Variants in HAPLN1 observed in about 807,000 individuals in gnomAD.
HAPLN1 encodes the protein hyaluronan and proteoglycan link protein 1.
In HAPLN1, 13 loss-of-function variants were observed where a neutral mutation model predicts 36.5. The ratio of observed to expected loss-of-function variants is 0.36; its 90% CI spans 0.23 to 0.57. The LOEUF (loss-of-function observed/expected upper bound fraction) is 0.57. Ranked by LOEUF, HAPLN1 falls within the 20% of genes least tolerant of loss-of-function variation. HAPLN1 has a pLI of 0.83. For missense variants in HAPLN1, 407 were observed against 439.7 expected (o/e 0.93, Z 0.66); for synonymous variants, 202 against 169.8 (o/e 1.19, Z -1.48).
intron 3 of HAPLN1, among the ~76,000 whole-genome samples, chr5:83,649,319 T>C (rs1749977580): frequency 1.3e-5 from 2 of 152,204 alleles, no homozygotes; most frequent in Admixed American, 6.5e-5. Context: ...GTGGTATCTG[T>C]TGTTCACATT....
At chr5:83,661,170 T>C (rs1276817929) in intron 2 of HAPLN1, among the ~76,000 whole-genome samples, 1 of 151,882 alleles carries the variant, frequency 6.6e-6, no homozygotes, top group African/African-American at 2.4e-5. Flanking sequence ...AACATCACTA[T>C]CTTTCCACCT....
In HAPLN1 at chr5:83,709,369, A is replaced by G. The variant is rs368961736; in HGVS notation, c.-27+11420T>C. On this transcript the variant is annotated intron_variant, in intron 1 of 4. Transcript: ENST00000274341. ...TAATCACATAAAGCCTATGTCTGAAAAGCCTAATATTTACATCTCCTATTG... is the reference window on the plus strand; with the variant it reads ...TAATCACATAAAGCCTATGTCTGAAGAGCCTAATATTTACATCTCCTATTG... Among the ~76,000 whole-genome samples, 10 of 152,324 alleles carry G rather than the reference A, an allele frequency of 6.6e-5. No homozygotes were observed. In the East Asian group the frequency reaches 1.3e-3, roughly 21 times the overall value.
At chr5:83,649,366 C>T (rs753774059) in intron 3 of HAPLN1, among the ~76,000 whole-genome samples, 10 of 152,052 alleles carry the variant, frequency 6.6e-5, no homozygotes, top group Non-Finnish European at 1.0e-4. Flanking sequence ...ATCTATGATG[C>T]CCTCTCTCCT....
rs565624983 is a variant in HAPLN1, at chr5:83,673,139, T to G, written c.100+285A>C. Among the ~76,000 whole-genome samples the G allele has an allele frequency of 1.2e-4, 19 of 152,304 alleles. No individual in the cohort carries two copies. The South Asian group carries it at 3.9e-3, about 32-fold the overall frequency. ...TTGCATTTAAATGAACTTTATGGCC[T>G]CCATTTTACTTGAAGATAGCAACTG... On this transcript the variant is annotated intron_variant, in intron 2 of 4. Transcript: ENST00000274341.
chr5:83,676,152 A>C (rs1750854810), intron 1 of HAPLN1, among the ~76,000 whole-genome samples: 1 of 144,820 alleles, frequency 6.9e-6, no homozygotes, highest in Admixed American at 6.7e-5. Context: ...GTGTGCACAC[A>C]TACACAGAGA....
At chr5:83,642,079 C>T (rs1749719357) in intron 4 of HAPLN1, among the ~76,000 whole-genome samples, 1 of 152,236 alleles carries the variant, frequency 6.6e-6, no homozygotes, top group South Asian at 2.1e-4. Context: ...TAAAAGAGCC[C>T]TTCTGTGGCA....
intron 4 of HAPLN1, 138 bp downstream of exon 4, chr5:83,644,225 T>C (rs956692724): frequency 4.4e-6 from 3 of 676,490 alleles, no homozygotes; most frequent in Non-Finnish European, 6.4e-6. Context: ...ACTTTTTATA[T>C]CTTTTTAAAC....
intron 1 of HAPLN1, among the ~76,000 whole-genome samples, chr5:83,709,193 A>G (rs906068552): frequency 1.3e-5 from 2 of 152,208 alleles, no homozygotes; most frequent in African/African-American, 2.4e-5. Flanking sequence ...CTAAACTCAC[A>G]GAGATATCTG....
intron 3 of HAPLN1, among the ~76,000 whole-genome samples, chr5:83,649,029 A>G (rs1749968928): frequency 6.6e-6 from 1 of 152,294 alleles, no homozygotes. Context: ...ACTTTGAAAT[A>G]TCAATCCTCA....
At chr5:83,647,952 G>C (rs969261307) in intron 3 of HAPLN1, among the ~76,000 whole-genome samples, 1 of 152,014 alleles carries the variant, frequency 6.6e-6, no homozygotes, top group African/African-American at 2.4e-5. Context: ...CTATAATTTT[G>C]TATATTTAGC....
intron 3 of HAPLN1, among the ~76,000 whole-genome samples, chr5:83,648,976 C>T (rs1028080364): frequency 6.6e-6 from 1 of 152,054 alleles, no homozygotes; most frequent in Admixed American, 6.6e-5. Flanking sequence ...ATTTTTATGG[C>T]TTTTATTTTA....
intron 1 of HAPLN1, among the ~76,000 whole-genome samples, chr5:83,687,285 A>G (rs1751152894): frequency 6.6e-6 from 1 of 152,220 alleles, no homozygotes; most frequent in Non-Finnish European, 1.5e-5. Context: ...ATGGAGGAGA[A>G]TACAGTAGTC....
At chr5:83,706,119 C>A (rs10058187) in intron 1 of HAPLN1, among the ~76,000 whole-genome samples, 55,336 of 137,022 alleles carry the variant, frequency 0.4, 11,104 homozygotes, top group Non-Finnish European at 0.43. Context: ...AAAAAAAAAA[C>A]AAAAGCCCAG....
chr5:83,639,333 G>A lies in HAPLN1; in HGVS notation c.*2163C>T, dbSNP rs1749613552. On this transcript the variant is annotated 3_prime_UTR_variant, in exon 5 of 5. Coordinates refer to ENST00000274341, the MANE Select transcript of HAPLN1 (RefSeq NM_001884.4). ...GTGTAAGTGGTATAGATTTTAATCA[G>A]CTAACAGTCACTCCAGAGATTTTGA... is the stretch of plus-strand genomic sequence containing the variant. 1 of 152,000 alleles carries A rather than the reference G, an allele frequency of 6.6e-6. No individual in the cohort carries two copies. Among genetic ancestry groups the A allele is most frequent in the Non-Finnish European group, 1.5e-5 (1 of 67,900 alleles). The allele number at this position is 152,000 out of a possible 1,614,324, so 9.4% of individuals were successfully genotyped here.
At chr5:83,654,845 T>A (rs1750169422) in intron 2 of HAPLN1, among the ~76,000 whole-genome samples, 1 of 152,202 alleles carries the variant, frequency 6.6e-6, no homozygotes, top group Admixed American at 6.5e-5. Context: ...TCTGTAGCCT[T>A]GGGCAAGTTG....
rs556905126 is a variant in HAPLN1 at position 83,673,937 on chromosome 5, T to C, written c.-26-388A>G. ...AAAACAGCAATGTGTTATGTCTGTA[T>C]ATGAGTATCACTTGGTCTAATTAGA... On this transcript the variant is annotated intron_variant, in intron 1 of 4. Transcript: ENST00000274341. 7.9e-5 allele frequency among the ~76,000 whole-genome samples: 12 copies of C among 152,354 alleles called. No individual in the cohort carries two copies. In the South Asian group the frequency reaches 2.5e-3, roughly 32 times the overall value.
rs3836881 is a variant in HAPLN1, at chr5:83,672,045, AT to A, written c.100+1378del. On this transcript the variant is annotated intron_variant, in intron 2 of 4. Coordinates refer to ENST00000274341, the MANE Select transcript of HAPLN1 (RefSeq NM_001884.4). The stretch of plus-strand genomic sequence containing the variant: ...GGAGTAATTTTTCAAATGTTAGTAC[AT>A]TTTTAAAACACTATTCTCATACTCT... Among the ~76,000 whole-genome samples, 228 of 152,316 alleles carry A rather than the reference AT, an allele frequency of 1.5e-3. 4 individuals carry two copies. The East Asian group carries it at 0.037, about 25-fold the overall frequency.
intron 1 of HAPLN1, among the ~76,000 whole-genome samples, chr5:83,702,204 T>A (rs1751524379): frequency 6.6e-6 from 1 of 152,108 alleles, no homozygotes; most frequent in Non-Finnish European, 1.5e-5. Context: ...AAGTTAGATA[T>A]CCTGAGAGAT....
At chr5:83,654,674 T>C (rs570642283) in intron 2 of HAPLN1, among the ~76,000 whole-genome samples, 52 of 152,306 alleles carry the variant, frequency 3.4e-4, no homozygotes, top group African/African-American at 1.2e-3. Context: ...ATATGACACA[T>C]AGCTAAAATA....
Sources: allele counts gnomAD v4.1 joint callset (sites outside exome capture counted in the v4.1 genomes callset), GRCh38; gene constraint gnomAD v4.1.1; transcripts MANE v1.5; gene names NCBI Gene and HGNC (gene_info 2026-07-23, HGNC 2026-07-21).